Variants in MYOCD observed in about 807,000 individuals in gnomAD.
The protein encoded by MYOCD is myocardin.
In MYOCD, 32 loss-of-function variants were observed where a neutral mutation model predicts 96.1. That is an observed-to-expected ratio of 0.33 (90% CI 0.25 to 0.45). The LOEUF is 0.45. MYOCD is among the 20% of genes least tolerant of loss of function. The pLI is 1.00. For missense variants in MYOCD, 1,133 were observed against 1,200.6 expected (o/e 0.94, Z 0.83); for synonymous variants, 469 against 469.0 (o/e 1.00, Z 0.00).
chr17:12,737,598 A>G (rs2032384476), intron 6 of MYOCD, among the ~76,000 whole-genome samples: 1 of 152,128 alleles, frequency 6.6e-6, no homozygotes, highest in South Asian at 2.1e-4. Context: ...GAGCTCTTCC[A>G]ACTCTGTCTC....
chr17:12,684,119 C>A (rs1309805429), intron 1 of MYOCD, among the ~76,000 whole-genome samples: 2 of 152,034 alleles, frequency 1.3e-5, no homozygotes, highest in Non-Finnish European at 2.9e-5. Flanking sequence ...TCTCTCTCTC[C>A]ATTTTTCATG....
chr17:12,756,695 CAAAAA>C (rs11307445), intron 11 of MYOCD, 138 bp downstream of exon 11: 736 of 141,284 alleles, frequency 5.2e-3, no homozygotes, highest in Middle Eastern at 7.8e-3. Flanking sequence ...GACTGCATCT[CAAAAA>C]AAAAAAAAAA....
intron 1 of MYOCD, among the ~76,000 whole-genome samples, chr17:12,700,398 A>ATTTT (rs1567577876): frequency 2.4e-5 from 2 of 83,484 alleles, no homozygotes; most frequent in Non-Finnish European, 2.2e-5. Context: ...GCAATGGGAG[A>ATTTT]ATTTTTTTTT....
At chr17:12,701,130 T>C (rs779206603) in intron 1 of MYOCD, among the ~76,000 whole-genome samples, 1 of 152,172 alleles carries the variant, frequency 6.6e-6, no homozygotes, top group Non-Finnish European at 1.5e-5. Flanking sequence ...AGTCCTGTTA[T>C]TGATAAATTT....
At chr17:12,738,726 C>T (rs1424654065) in intron 6 of MYOCD, among the ~76,000 whole-genome samples, 1 of 151,774 alleles carries the variant, frequency 6.6e-6, no homozygotes, top group Non-Finnish European at 1.5e-5. Flanking sequence ...TGTTCATTGT[C>T]CTACTTTCCC....
chr17:12,669,354 T>C (rs1051654491), intron 1 of MYOCD, among the ~76,000 whole-genome samples: 1 of 152,154 alleles, frequency 6.6e-6, no homozygotes, highest in African/African-American at 2.4e-5. Context: ...CTTCTCTCTC[T>C]CTCTTTCCCA....
intron 12 of MYOCD, chr17:12,760,224 C>T (rs1181512427): frequency 1.5e-4 from 30 of 193,758 alleles, no homozygotes; most frequent in Non-Finnish European, 3.0e-4. Context: ...AAGGACATTA[C>T]GCTTAGGGAA....
intron 2 of MYOCD, among the ~76,000 whole-genome samples, chr17:12,711,658 T>C (rs1464318379): frequency 1.3e-5 from 2 of 152,170 alleles, no homozygotes; most frequent in Non-Finnish European, 1.5e-5. Context: ...AAGCAGCCTT[T>C]CTCTGGACAG....
chr17:12,747,080 T>C (rs938904370), intron 9 of MYOCD, among the ~76,000 whole-genome samples: 3 of 151,994 alleles, frequency 2.0e-5, no homozygotes, highest in Non-Finnish European at 4.4e-5. Flanking sequence ...TCATTCTGTG[T>C]AGATTTGCTT....
chr17:12,698,036 GA>G (rs1003306779), intron 1 of MYOCD, among the ~76,000 whole-genome samples: 2 of 152,194 alleles, frequency 1.3e-5, no homozygotes, highest in Admixed American at 1.3e-4. Context: ...GGGGCAGGCT[GA>G]ACTGGAAAAG....
At chr17:12,724,362 C>A (rs986791900) in intron 5 of MYOCD, among the ~76,000 whole-genome samples, 3 of 152,074 alleles carry the variant, frequency 2.0e-5, no homozygotes, top group Non-Finnish European at 4.4e-5. Flanking sequence ...GATTATGTAT[C>A]GTTGGCAATA....
chr17:12,668,750 C>T (rs892947160), intron 1 of MYOCD, among the ~76,000 whole-genome samples: 1 of 151,842 alleles, frequency 6.6e-6, no homozygotes, highest in Non-Finnish European at 1.5e-5. Context: ...ATTCTCTGTG[C>T]CTCAACTTGC....
At chr17:12,724,094 G>C (rs1349142338) in intron 5 of MYOCD, among the ~76,000 whole-genome samples, 2 of 151,908 alleles carry the variant, frequency 1.3e-5, no homozygotes, top group Non-Finnish European at 2.9e-5. Context: ...TAAATATCTG[G>C]GGCCTTTGAA....
intron 1 of MYOCD, among the ~76,000 whole-genome samples, chr17:12,686,553 C>T (rs182657086): frequency 9.9e-4 from 151 of 152,318 alleles, no homozygotes; most frequent in Non-Finnish European, 1.7e-3. Context: ...AACTGTACAA[C>T]ACTCAAGTTA....
intron 2 of MYOCD, among the ~76,000 whole-genome samples, chr17:12,707,549 C>CAA (rs200538513): frequency 6.6e-6 from 1 of 151,230 alleles, no homozygotes; most frequent in South Asian, 2.1e-4. Context: ...ACTAAAAATA[C>CAA]AAAAAAAAGA....
At chr17:12,719,174 C>CA (rs71144920) in intron 4 of MYOCD, among the ~76,000 whole-genome samples, 1,439 of 49,174 alleles carry the variant, frequency 0.029, 165 homozygotes, top group African/African-American at 0.15. Context: ...GACTCTGTCT[C>CA]AAAAAAAAAA....
At chr17:12,674,103 CAA>C (rs2150630133) in intron 1 of MYOCD, among the ~76,000 whole-genome samples, 1 of 152,270 alleles carries the variant, frequency 6.6e-6, no homozygotes, top group Non-Finnish European at 1.5e-5. Context: ...TTAATCCTTA[CAA>C]AAATGTGATT....
intron 3 of MYOCD, among the ~76,000 whole-genome samples, chr17:12,716,235 G>A (rs1262968922): frequency 6.6e-6 from 1 of 152,204 alleles, no homozygotes; most frequent in Admixed American, 6.5e-5. Flanking sequence ...TTGTCTATGG[G>A]TAGAGAGGAA....
intron 1 of MYOCD, among the ~76,000 whole-genome samples, chr17:12,688,105 G>A (rs553436388): frequency 1.3e-5 from 2 of 152,314 alleles, no homozygotes; most frequent in East Asian, 3.9e-4. Context: ...AAGATACCTA[G>A]TGTTATTGGT....
Sources: gnomAD v4.1 joint callset for allele counts (sites outside exome capture counted in the v4.1 genomes callset) on GRCh38, gnomAD v4.1.1 for gene constraint, MANE v1.5 for transcripts, NCBI Gene and HGNC (gene_info 2026-07-23, HGNC 2026-07-21) for gene names.